YARS1: variants seen among roughly 807,000 people sequenced by gnomAD.
YARS1 encodes tyrosine--tRNA ligase, cytoplasmic.
Under a neutral mutation model 62.2 loss-of-function variants are expected in YARS1, and 36 were observed. The ratio of observed to expected loss-of-function variants is 0.58; its 90% confidence interval spans 0.44 to 0.76. YARS1 has a LOEUF of 0.76. YARS1 is among the 30% of genes least tolerant of loss of function. The pLI is 0.00. For missense variants in YARS1, 524 were observed against 639.8 expected, an observed-to-expected ratio of 0.82 and a Z score of 1.95; for synonymous variants, 234 against 244.9, an observed-to-expected ratio of 0.96 and a Z score of 0.42.
intron 1 of YARS1, among the ~76,000 whole-genome samples, chr1:32,815,302 T>G (rs1638681857): frequency 6.6e-6 from 1 of 152,104 alleles, no homozygotes; most frequent in South Asian, 2.1e-4. Flanking sequence ...TGAGCTGAGA[T>G]TGTGCCATTG....
In YARS1 at chr1:32,782,440, GT is replaced by G. The variant is rs1653090321; in HGVS notation, c.1005del (p.Lys335AsnfsTer55). On this transcript the variant is annotated frameshift_variant, in exon 9 of 13. Transcript: ENST00000373477. LOFTEE classifies it high-confidence loss of function. ...REKFNTPALK[K>X]LASAAYPDPS... The stretch of plus-strand genomic sequence containing the variant: ...GGATCTGGGTAGGCAGCGCTGGCCA[GT>G]TTTTTCAGGGCAGGGGTATTAAACT... 1.2e-6 allele frequency: 2 copies of G among 1,614,088 alleles called. No individual in the cohort carries two copies. The highest frequency in any genetic ancestry group is 1.7e-6 in the Non-Finnish European group (2 of 1,180,000).
At chr1:32,815,808 TTAGA>T (rs1004097632) in intron 1 of YARS1, among the ~76,000 whole-genome samples, 2 of 152,054 alleles carry the variant, frequency 1.3e-5, no homozygotes, top group African/African-American at 4.8e-5. Context: ...GCAAGTTTTA[TTAGA>T]TAGTGTGATG....
chr1:32,798,808 G>A (rs997724331), intron 4 of YARS1, among the ~76,000 whole-genome samples: 3 of 152,168 alleles, frequency 2.0e-5, no homozygotes, highest in African/African-American at 7.2e-5. Flanking sequence ...GGGAGACAGA[G>A]TGAAGCCCTG....
intron 5 of YARS1, among the ~76,000 whole-genome samples, chr1:32,797,307 G>C (rs1653635966): frequency 6.6e-6 from 1 of 151,810 alleles, no homozygotes; most frequent in South Asian, 2.1e-4. Flanking sequence ...AGGCTGTCGA[G>C]GCTGTGATGA....
At chr1:32,812,966 C>T (rs982046997) in intron 1 of YARS1, among the ~76,000 whole-genome samples, 3 of 125,666 alleles carry the variant, frequency 2.4e-5, no homozygotes, top group Non-Finnish European at 3.3e-5. Context: ...GACACTCTGT[C>T]TCCAAAAAAA....
intron 4 of YARS1, among the ~76,000 whole-genome samples, chr1:32,802,581 C>T (rs1232814348): frequency 1.3e-5 from 2 of 152,186 alleles, no homozygotes; most frequent in African/African-American, 2.4e-5. Flanking sequence ...TGTTAGCAGG[C>T]ATGAAAATAA....
At chr1:32,780,007 G>A in intron 11 of YARS1, 78 bp downstream of exon 11, 1 of 1,560,678 alleles carries the variant, frequency 6.4e-7, no homozygotes, top group Admixed American at 1.7e-5. Flanking sequence ...CTGGTGTGTG[G>A]AAGGACATCA....
intron 5 of YARS1, 21 bp from the exon 6 acceptor site, chr1:32,791,275 A>G: frequency 6.3e-7 from 1 of 1,599,950 alleles, no homozygotes; most frequent in Non-Finnish European, 8.6e-7. Flanking sequence ...AGAGAAACAC[A>G]CAAAAGCCGA....
At chr1:32,808,817 CCTG>C (rs762606476) in intron 3 of YARS1, among the ~76,000 whole-genome samples, 6 of 152,168 alleles carry the variant, frequency 3.9e-5, no homozygotes, top group Non-Finnish European at 2.9e-5. Context: ...CCCTGGCCTG[CCTG>C]CTTTGTTTCA....
intron 3 of YARS1, among the ~76,000 whole-genome samples, chr1:32,807,244 C>G (rs1638484096): frequency 6.6e-6 from 1 of 152,154 alleles, no homozygotes; most frequent in African/African-American, 2.4e-5. Flanking sequence ...CTTTAGAACA[C>G]TAGTTCACCA....
chr1:32,810,691 C>G lies in YARS1; in HGVS notation c.280G>C (p.Val94Leu). 4 of 1,614,180 alleles carry G rather than the reference C, an allele frequency of 2.5e-6. No individual in the cohort carries two copies. Among genetic ancestry groups the G allele is most frequent in the Non-Finnish European group, 3.4e-6 (4 of 1,180,038 alleles). ...KAPWELLELR[V>L]SYYENVIKAM... ...TTGATCACATTCTCATAGTAACTGA[C>G]TCGGAGTTCTAGAAGTTCCCATGGG... The change falls in exon 3 of 13, where the codon GTC becomes CTC. Residue 94 changes from valine (V) to leucine (L), a missense_variant. By Grantham distance (32) the Val-to-Leu change is conservative. Coordinates refer to ENST00000373477, the MANE Select transcript of YARS1 (RefSeq NM_003680.4).
intron 4 of YARS1, among the ~76,000 whole-genome samples, chr1:32,802,159 G>A (rs1322244797): frequency 6.6e-6 from 1 of 151,784 alleles, no homozygotes; most frequent in Non-Finnish European, 1.5e-5. Flanking sequence ...GTTTTAGCCC[G>A]GATGGTCTCG....
Position 32,779,418 on chromosome 1 carries a change from C to A in YARS1, c.1440G>T (p.Glu480Asp), listed in dbSNP as rs1187207069. 2.5e-6 allele frequency: 4 copies of A among 1,614,206 alleles called. No individual in the cohort carries two copies. In the South Asian group the frequency reaches 4.4e-5, roughly 18 times the overall value. Reference protein sequence around the residue: ...KGYEKGQPDEELKPKKKVFEK... With the variant: ...KGYEKGQPDEDLKPKKKVFEK... ...CGAAGACTTTCTTCTTGGGCTTGAGCTCCTCATCTGGTTGGCCCTTTTCAT... is the reference window on the plus strand; with the variant it reads ...CGAAGACTTTCTTCTTGGGCTTGAGATCCTCATCTGGTTGGCCCTTTTCAT... Residue 480 changes from glutamate to aspartate, a missense_variant, in exon 12 of 13, where the codon GAG becomes GAT. By Grantham distance (45) the Glu-to-Asp change is conservative. Coordinates refer to ENST00000373477, the MANE Select transcript of YARS1 (RefSeq NM_003680.4).
chr1:32,780,502 A>G (rs1653017562), intron 10 of YARS1: 1 of 584,468 alleles, frequency 1.7e-6, no homozygotes, highest in Admixed American at 2.9e-5. Context: ...GTGGACCTAG[A>G]TGCTTGTGTT....
In YARS1 at chr1:32,806,619, G is replaced by A. The variant is rs1312981435; in HGVS notation, c.381-8C>T. On this transcript the variant is annotated splice_region_variant and splice_polypyrimidine_tract_variant and intron_variant, in intron 3 of 12. Coordinates refer to ENST00000373477, the MANE Select transcript of YARS1 (RefSeq NM_003680.4). The stretch of plus-strand genomic sequence containing the variant: ...ACATCTAGTGTGTACTCTCTGAAGA[G>A]GAAAGGAAGAGGGGACAGCTGTAAA... 1 of 1,614,102 alleles carries A rather than the reference G, an allele frequency of 6.2e-7. No homozygotes were observed. The highest frequency in any genetic ancestry group is 8.5e-7 in the Non-Finnish European group (1 of 1,180,010).
In YARS1 at chr1:32,775,976, G is replaced by A; in HGVS notation, c.*5C>T. 2 of 1,609,634 alleles carry A rather than the reference G, an allele frequency of 1.2e-6. No homozygotes were observed. The highest frequency in any genetic ancestry group is 1.3e-5 in the African/African-American group (1 of 74,914). On this transcript the variant is annotated 3_prime_UTR_variant, in exon 13 of 13. Coordinates refer to ENST00000373477, the MANE Select transcript of YARS1 (RefSeq NM_003680.4). The stretch of plus-strand genomic sequence containing the variant: ...GTGGAAGAAGGGGGGAAGATGCTGG[G>A]CTGGCTAGCTAATGTTCCCCCCTTT...
intron 8 of YARS1, chr1:32,783,700 C>CA (rs1489643096): frequency 6.6e-6 from 1 of 152,188 alleles, no homozygotes; most frequent in African/African-American, 2.4e-5. Flanking sequence ...TTTAATACAA[C>CA]AAAGCGAACA....
At chr1:32,804,286 A>C (rs1638387844) in intron 4 of YARS1, among the ~76,000 whole-genome samples, 1 of 152,230 alleles carries the variant, frequency 6.6e-6, no homozygotes, top group East Asian at 1.9e-4. Flanking sequence ...CGCCGGGCAG[A>C]GGGGCTCCTC....
chr1:32,813,400 C>T (rs1438618003), intron 1 of YARS1, among the ~76,000 whole-genome samples: 7 of 152,222 alleles, frequency 4.6e-5, no homozygotes, highest in Non-Finnish European at 1.0e-4. Flanking sequence ...CTTACTGCAA[C>T]CTCCGCCTCC....
Sources: allele counts gnomAD v4.1 joint callset (sites outside exome capture counted in the v4.1 genomes callset), GRCh38; gene constraint gnomAD v4.1.1; transcripts MANE v1.5; gene names NCBI Gene and HGNC (gene_info 2026-07-23, HGNC 2026-07-21).